Variants in SLC12A9 observed in about 807,000 individuals in gnomAD.
The protein encoded by SLC12A9 is solute carrier family 12 member 9.
SLC12A9 carries 55 observed loss-of-function variants against 66.0 expected under a neutral mutation model. That is an observed-to-expected ratio of 0.83 (90% CI 0.67 to 1.04). SLC12A9 has a LOEUF of 1.04. Among genes scored for constraint, SLC12A9 ranks in the 50% least tolerant of loss-of-function variants. The pLI is 0.00. For missense variants in SLC12A9, 1,061 were observed against 1,241.9 expected (o/e 0.85, Z 2.19); for synonymous variants, 577 against 569.0 (o/e 1.01, Z -0.20).
upstream of SLC12A9, among the ~76,000 whole-genome samples, chr7:100,848,688 C>T (rs1813977636): frequency 1.3e-5 from 2 of 151,830 alleles, no homozygotes. Context: ...AGATCGAGAC[C>T]ATTCTGGCTA....
chr7:100,865,947 A>G lies in SLC12A9; in HGVS notation c.2087A>G (p.Asn696Ser). The change falls in exon 14 of 14, where the codon AAT (asparagine) becomes AGT (serine). Residue 696 changes from asparagine (N) to serine (S), a missense_variant. Coordinates refer to ENST00000354161, the MANE Select transcript of SLC12A9 (RefSeq NM_020246.4). The stretch of plus-strand genomic sequence containing the variant: ...GCCGACGCCCTCAAGATGAACAAGA[A>G]TGTGGTGCTGGCCCGGGCCAGCGGG... Reference protein sequence around the residue: ...TVADALKMNKNVVLARASGAL... With the variant: ...TVADALKMNKSVVLARASGAL... The G allele has an allele frequency of 1.2e-6, 2 of 1,611,198 alleles. No individual in the cohort carries two copies. The highest frequency in any genetic ancestry group is 1.7e-6 in the Non-Finnish European group (2 of 1,178,836).
Position 100,859,885 on chromosome 7 carries a change from G to T in SLC12A9, c.978G>T (p.Arg326Ser). The T allele has an allele frequency of 6.3e-7, 1 of 1,598,112 alleles. No homozygotes were observed. Among genetic ancestry groups the T allele is most frequent in the Non-Finnish European group, 8.6e-7 (1 of 1,166,838 alleles). ...LFFLSSFTCD[R>S]TLLQEDYGFF... ...GTGTCCTCCTTTTCCTCCTTCCTAG[G>T]ACCCTGCTGCAGGAAGACTATGGGT... is the stretch of plus-strand genomic sequence containing the variant. Residue 326 changes from arginine to serine, a missense_variant and splice_region_variant, in exon 8 of 14, where the codon AGG becomes AGT. Coordinates refer to ENST00000354161, the MANE Select transcript of SLC12A9 (RefSeq NM_020246.4).
rs565677867 is a variant in SLC12A9 at position 100,828,755 on chromosome 7, C to T, written n.228+1708C>T. On this transcript the variant is annotated intron_variant and non_coding_transcript_variant, in intron 1 of 1. Transcript: ENST00000461016. ...TTCCTGTCTGGCTCCTGGGGGCCCTCGGGATGGCTGGGAGGGGCCCTTCCT... is the reference window on the plus strand; with the variant it reads ...TTCCTGTCTGGCTCCTGGGGGCCCTTGGGATGGCTGGGAGGGGCCCTTCCT... 3.9e-5 allele frequency among the ~76,000 whole-genome samples: 6 copies of T among 152,050 alleles called. No homozygotes were observed. The East Asian group carries it at 9.7e-4, about 25-fold the overall frequency.
chr7:100,845,271 G>A (rs1379432367), intron 1 of SLC12A9, among the ~76,000 whole-genome samples: 1 of 149,886 alleles, frequency 6.7e-6, no homozygotes, highest in Non-Finnish European at 1.5e-5. Context: ...GGCTATACTA[G>A]ATATGTGGAC....
chr7:100,858,635 G>A, intron 5 of SLC12A9, 200 bp from the exon 6 acceptor site: 1 of 573,192 alleles, frequency 1.7e-6, no homozygotes, highest in Non-Finnish European at 3.1e-6. Flanking sequence ...AGGGTCTGGA[G>A]GGAGGAATAT....
intron 3 of SLC12A9, among the ~76,000 whole-genome samples, chr7:100,855,132 C>G (rs1814308968): frequency 6.6e-6 from 1 of 152,140 alleles, no homozygotes; most frequent in African/African-American, 2.4e-5. Flanking sequence ...TCACTGCACT[C>G]CAACCTGGGC....
At chr7:100,846,236 C>T (rs1379013753) in intron 1 of SLC12A9, among the ~76,000 whole-genome samples, 1 of 152,198 alleles carries the variant, frequency 6.6e-6, no homozygotes, top group Non-Finnish European at 1.5e-5. Context: ...GCTTACTGCT[C>T]CTTTGTTTGC....
intron 13 of SLC12A9, among the ~76,000 whole-genome samples, chr7:100,864,651 CCT>C (rs1814966623): frequency 6.6e-6 from 1 of 152,172 alleles, no homozygotes; most frequent in Non-Finnish European, 1.5e-5. Flanking sequence ...CAGAGTGTGG[CCT>C]CTCACGCTGG....
chr7:100,861,020 G>T lies in SLC12A9; in HGVS notation c.1219-118G>T. On this transcript the variant is annotated intron_variant, in intron 9 of 13. Transcript: ENST00000354161. The surrounding 1 kb of genome is among the most constrained non-coding windows in gnomAD (Gnocchi z 5.3). Reference sequence around the variant, plus strand: ...GCACTGGCACTTTGCAGGGTTCACTGGCACTTTCTGGGGCTCATTGACACT... The same window carrying T: ...GCACTGGCACTTTGCAGGGTTCACTTGCACTTTCTGGGGCTCATTGACACT... 1 of 1,558,336 alleles carries T rather than the reference G, an allele frequency of 6.4e-7. No homozygotes were observed. Among genetic ancestry groups the T allele is most frequent in the Non-Finnish European group, 8.8e-7 (1 of 1,137,826 alleles).
Position 100,854,243 on chromosome 7 carries a change from G to A in SLC12A9, c.46G>A (p.Glu16Lys), listed in dbSNP as rs763599296. 4 of 1,578,186 alleles carry A rather than the reference G, an allele frequency of 2.5e-6. No individual in the cohort carries two copies. Among genetic ancestry groups the A allele is most frequent in the South Asian group, 2.4e-5 (2 of 83,628 alleles). Residue 16 changes from glutamate to lysine, a missense_variant, in exon 2 of 14, where the codon GAG (glutamate) becomes AAG (lysine). By Grantham distance (56) the Glu-to-Lys change is moderately conservative. Transcript: ENST00000354161. The part of the protein sequence containing the change: ...SPLLAYRLLG[E>K]EGVALPANGA... ...TCTGCTGGCCTACCGGCTCCTGGGGGAGGAGGGGGTTGCCCTCCCTGCCAA... is the reference window on the plus strand; with the variant it reads ...TCTGCTGGCCTACCGGCTCCTGGGGAAGGAGGGGGTTGCCCTCCCTGCCAA...
At position 100,861,654 on chromosome 7, in the gene SLC12A9, GT is replaced by G. The variant is rs1326347252; in HGVS notation, c.1536+72del. 229 of 1,608,630 alleles carry G rather than the reference GT, an allele frequency of 1.4e-4. No individual in the cohort carries two copies. Among genetic ancestry groups the G allele is most frequent in the Non-Finnish European group, 1.8e-4 (206 of 1,175,734 alleles). On this transcript the variant is annotated intron_variant, in intron 11 of 13. Coordinates refer to ENST00000354161, the MANE Select transcript of SLC12A9 (RefSeq NM_020246.4). This position sits in a 1 kb window ranked among gnomAD's most constrained non-coding sequence, Gnocchi z 5.3. ...AGAACCCCCTCTCTCTTTGGCTGGAGTTGGTGCTCCCGTCCAGGAGGCGCTG... is the reference window on the plus strand; with the variant it reads ...AGAACCCCCTCTCTCTTTGGCTGGAGTGGTGCTCCCGTCCAGGAGGCGCTG...
Position 100,857,043 on chromosome 7 carries a change from C to T in SLC12A9, c.624C>T (p.Leu208=), listed in dbSNP as rs774216079. The change falls in exon 5 of 14, where the codon CTC becomes CTT. Residue 208 remains leucine, a synonymous_variant. Coordinates refer to ENST00000354161, the MANE Select transcript of SLC12A9 (RefSeq NM_020246.4). ...TCTCTGGCTCCCTGGCCTCTGTGCTCATCAGTTTTGTGGCTGTGGGGCCGA... is the reference window on the plus strand; with the variant it reads ...TCTCTGGCTCCCTGGCCTCTGTGCTTATCAGTTTTGTGGCTGTGGGGCCGA... ...LLVSGSLASV[L]ISFVAVGPRD... The T allele has an allele frequency of 3.1e-6, 5 of 1,614,246 alleles. No individual in the cohort carries two copies. Among genetic ancestry groups the T allele is most frequent in the South Asian group, 2.2e-5 (2 of 91,090 alleles).
intron 1 of SLC12A9, among the ~76,000 whole-genome samples, chr7:100,829,205 C>G (rs1448878891): frequency 6.6e-6 from 1 of 152,114 alleles, no homozygotes; most frequent in Non-Finnish European, 1.5e-5. Flanking sequence ...CCAGGCTGGT[C>G]TCGAACTCCT....
chr7:100,831,259 TCAC>T (rs1584674298), intron 1 of SLC12A9, among the ~76,000 whole-genome samples: 1 of 152,340 alleles, frequency 6.6e-6, no homozygotes, highest in East Asian at 1.9e-4. Flanking sequence ...CGATCTCGGC[TCAC>T]CACAACCTCT....
chr7:100,866,543 C>T lies in SLC12A9; in HGVS notation c.2683C>T (p.Arg895Ter), dbSNP rs761513405. Residue 895 changes from arginine to a stop codon, truncating the protein, a stop_gained, in exon 14 of 14, where the codon CGA becomes TGA. Transcript: ENST00000354161. LOFTEE classifies it high-confidence loss of function. This position sits in a 1 kb window ranked among gnomAD's most constrained non-coding sequence, Gnocchi z 7.3. Reference sequence around the variant, plus strand: ...CCTGGCGCTACTGGAGACTCTAACCCGAGACCTGGGCCCCACGCTGCTGGT... The same window carrying T: ...CCTGGCGCTACTGGAGACTCTAACCTGAGACCTGGGCCCCACGCTGCTGGT... ...RYLALLETLT[R>*]DLGPTLLVHG... is the part of the protein sequence containing the mutation. The T allele has an allele frequency of 1.4e-5, 22 of 1,585,264 alleles. No homozygotes were observed. Among genetic ancestry groups the T allele is most frequent in the Admixed American group, 3.6e-5 (2 of 55,228 alleles).
chr7:100,855,852 C>G lies in SLC12A9; in HGVS notation c.448+15C>G, dbSNP rs183783650. 2 of 1,590,110 alleles carry G rather than the reference C, an allele frequency of 1.3e-6. No individual in the cohort carries two copies. The highest frequency in any genetic ancestry group is 2.3e-5 in the South Asian group (2 of 86,966). On this transcript the variant is annotated intron_variant, in intron 4 of 13. Coordinates refer to ENST00000354161, the MANE Select transcript of SLC12A9 (RefSeq NM_020246.4). ...CTTCGGGGCCGGTCTGTGCTCTGTCCGATCTGGGCAGTGCTGCGGGTTTAC... is the reference window on the plus strand; with the variant it reads ...CTTCGGGGCCGGTCTGTGCTCTGTCGGATCTGGGCAGTGCTGCGGGTTTAC...
intron 13 of SLC12A9, chr7:100,865,246 C>G (rs190969979): frequency 2.0e-6 from 3 of 1,535,520 alleles, no homozygotes; most frequent in Non-Finnish European, 2.6e-6. Flanking sequence ...GTGTGAGCCA[C>G]GGTGCCCTGC....
intron 12 of SLC12A9, 124 bp downstream of exon 12, chr7:100,862,035 C>G: frequency 1.0e-6 from 1 of 996,692 alleles, no homozygotes; most frequent in Non-Finnish European, 1.4e-6. Context: ...TCTTGGCTCA[C>G]TGCAACCTCC....
At chr7:100,862,511 G>C (rs1814819809) in intron 12 of SLC12A9, among the ~76,000 whole-genome samples, 170 bp from the exon 13 acceptor site, 1 of 152,144 alleles carries the variant, frequency 6.6e-6, no homozygotes, top group Non-Finnish European at 1.5e-5. Flanking sequence ...TTCCCAAAGG[G>C]CAGGGATTAC....
Sources: allele counts gnomAD v4.1 joint callset (sites outside exome capture counted in the v4.1 genomes callset), GRCh38; gene constraint gnomAD v4.1.1; non-coding constraint Gnocchi (gnomAD v3.1); transcripts MANE v1.5; gene names NCBI Gene and HGNC (gene_info 2026-07-23, HGNC 2026-07-21).